NHSL1: variants seen among roughly 807,000 people sequenced by gnomAD.
The protein encoded by NHSL1 is NHS like 1, also known as NHS-like protein 1.
Under a neutral mutation model 95.0 loss-of-function variants are expected in NHSL1, and 48 were observed. The observed-to-expected ratio is 0.51, with a 90% CI of 0.40 to 0.64. The LOEUF is 0.64. Ranked by LOEUF, NHSL1 falls within the 30% of genes least tolerant of loss-of-function variation. The pLI, the probability that NHSL1 is intolerant of heterozygous loss-of-function variation, is 0.00. For missense variants in NHSL1, 1,971 were observed against 2,077.7 expected, an observed-to-expected ratio of 0.95 and a Z score of 1.00; for synonymous variants, 783 against 833.9, an observed-to-expected ratio of 0.94 and a Z score of 1.05.
At position 138,691,465 on chromosome 6, in the gene NHSL1, T is replaced by C. The variant is rs1785668497; in HGVS notation, c.96+1011A>G. 2.0e-5 allele frequency among the ~76,000 whole-genome samples: 3 copies of C among 152,382 alleles called. No individual in the cohort carries two copies. In the South Asian group the frequency reaches 6.2e-4, roughly 32 times the overall value. On this transcript the variant is annotated intron_variant, in intron 1 of 3. Coordinates refer to the NHSL1 transcript ENST00000491526. The stretch of plus-strand genomic sequence containing the variant: ...ATATAGCTAAGTTTTTCTAGCTAGC[T>C]GGAAAACGAGCTATTCGAGATTGCA...
intron 1 of NHSL1, among the ~76,000 whole-genome samples, chr6:138,664,526 C>A (rs893296613): frequency 2.6e-5 from 4 of 152,062 alleles, no homozygotes; most frequent in African/African-American, 7.2e-5. Flanking sequence ...TCAAAGGACT[C>A]AAGGAATCAA....
intron 1 of NHSL1, among the ~76,000 whole-genome samples, chr6:138,507,308 A>G (rs535394489): frequency 2.0e-5 from 3 of 152,360 alleles, no homozygotes; most frequent in African/African-American, 4.8e-5. Flanking sequence ...AAAGAGCTGG[A>G]AGAAAAAGCA....
At chr6:138,578,224 A>G (rs1784000037) in intron 1 of NHSL1, among the ~76,000 whole-genome samples, 2 of 152,224 alleles carry the variant, frequency 1.3e-5, no homozygotes, top group African/African-American at 4.8e-5. Context: ...CCCACCTTTC[A>G]AAGTCTTCAT....
At position 138,431,153 on chromosome 6, in the gene NHSL1, G is replaced by C; in HGVS notation, c.3192C>G (p.Pro1064=). Residue 1064 remains proline (P), a synonymous_variant, in exon 6 of 8, where the codon CCC becomes CCG. Transcript: ENST00000343505. The surrounding 1 kb of genome is among the most constrained non-coding windows in gnomAD (Gnocchi z 4.0). ...PSTKEETSRP[P]MPLITTEALQ... is the part of the protein sequence containing the mutation. The stretch of plus-strand genomic sequence containing the variant: ...ATGCTTCCGTGGTTATCAGGGGCAT[G>C]GGGGGCCTGCTGGTCTCCTCCTTGG... The C allele has an allele frequency of 6.4e-7, 1 of 1,551,390 alleles. No individual in the cohort carries two copies. The highest frequency in any genetic ancestry group is 1.4e-5 in the African/African-American group (1 of 73,134).
intron 1 of NHSL1, among the ~76,000 whole-genome samples, chr6:138,522,005 T>C (rs1405537984): frequency 1.3e-5 from 2 of 152,126 alleles, no homozygotes; most frequent in Admixed American, 1.3e-4. Flanking sequence ...CAGAGGAAAC[T>C]GTTTCAGCTC....
intron 1 of NHSL1, among the ~76,000 whole-genome samples, chr6:138,676,431 T>C (rs1256906206): frequency 6.6e-6 from 1 of 152,006 alleles, no homozygotes; most frequent in African/African-American, 2.4e-5. Flanking sequence ...GTCTAAAAAA[T>C]AGTAAGGTCC....
intron 1 of NHSL1, among the ~76,000 whole-genome samples, chr6:138,607,504 G>A (rs1784450564): frequency 6.6e-6 from 1 of 152,198 alleles, no homozygotes; most frequent in Admixed American, 6.5e-5. Flanking sequence ...TTAAAACTGT[G>A]CGTGTTTTTA....
chr6:138,550,105 G>A (rs1254342697), upstream of NHSL1, among the ~76,000 whole-genome samples: 1 of 152,038 alleles, frequency 6.6e-6, no homozygotes. Context: ...CAGGTGTGGT[G>A]TCGTACACCT....
intron 1 of NHSL1, among the ~76,000 whole-genome samples, chr6:138,665,140 C>A (rs1583471734): frequency 6.6e-6 from 1 of 152,026 alleles, no homozygotes; most frequent in East Asian, 1.9e-4. Context: ...CTTTTTTTAC[C>A]CAAATTCAGC....
chr6:138,496,070 T>G, intron 2 of NHSL1, 149 bp downstream of exon 2: 7 of 837,680 alleles, frequency 8.4e-6, no homozygotes, highest in East Asian at 2.8e-5. Flanking sequence ...CATATCAGCA[T>G]GTATTAGGTT....
intron 3 of NHSL1, among the ~76,000 whole-genome samples, chr6:138,465,719 C>CT (rs1778315348): frequency 2.8e-5 from 4 of 140,418 alleles, no homozygotes; most frequent in African/African-American, 1.1e-4. Context: ...ACTTTTTTTT[C>CT]TTTTCTTTTT....
intron 1 of NHSL1, among the ~76,000 whole-genome samples, chr6:138,624,438 G>C (rs979031640): frequency 2.6e-5 from 4 of 152,106 alleles, no homozygotes; most frequent in Admixed American, 6.6e-5. Context: ...GGTCACTGAG[G>C]CTGGATATAT....
chr6:138,451,782 A>T (rs1367117665), intron 3 of NHSL1, among the ~76,000 whole-genome samples: 2 of 152,240 alleles, frequency 1.3e-5, no homozygotes, highest in Non-Finnish European at 2.9e-5. Context: ...AGTGTAAAAT[A>T]ACAATGTGGC....
chr6:138,692,992 G>C (rs1439577599), upstream of NHSL1, among the ~76,000 whole-genome samples: 2 of 151,242 alleles, frequency 1.3e-5, no homozygotes, highest in Admixed American at 1.3e-4. The surrounding 1 kb of genome is among the most constrained non-coding windows in gnomAD (Gnocchi z 4.0). Flanking sequence ...TGGGGTCCGA[G>C]CCGTGGCTGC....
rs1320501675 is a variant in NHSL1, at chr6:138,431,009, T to C, written c.3336A>G (p.Pro1112=). The C allele has an allele frequency of 4.5e-6, 7 of 1,552,192 alleles. No individual in the cohort carries two copies. Among genetic ancestry groups the C allele is most frequent in the Non-Finnish European group, 6.1e-6 (7 of 1,147,128 alleles). Residue 1112 remains proline (P), a synonymous_variant, in exon 6 of 8, where the codon CCA becomes CCG. Coordinates refer to ENST00000343505, the MANE Select transcript of NHSL1 (RefSeq NM_001144060.2). This position sits in a 1 kb window ranked among gnomAD's most constrained non-coding sequence, Gnocchi z 4.0. The part of the protein sequence containing the change: ...TPVAPQYHLK[P]SAFLKSRNST... ...TATTTCGGGATTTCAGGAAAGCAGA[T>C]GGCTTTAAGTGGTACTGTGGAGCAA...
At chr6:138,674,453 C>G (rs544122497) in intron 1 of NHSL1, among the ~76,000 whole-genome samples, 1 of 152,168 alleles carries the variant, frequency 6.6e-6, no homozygotes, top group Non-Finnish European at 1.5e-5. Context: ...AGCTGTTTTT[C>G]CTAATGCTTT....
intron 1 of NHSL1, among the ~76,000 whole-genome samples, chr6:138,544,664 T>C (rs1782713037): frequency 6.6e-6 from 1 of 152,156 alleles, no homozygotes; most frequent in African/African-American, 2.4e-5. Flanking sequence ...TGAAAAGATG[T>C]CAAGAATTTC....
intron 1 of NHSL1, among the ~76,000 whole-genome samples, chr6:138,586,200 T>A (rs1161546694): frequency 6.6e-6 from 1 of 151,938 alleles, no homozygotes; most frequent in East Asian, 1.9e-4. Context: ...GTTCAAGAGA[T>A]TCTCCTGCCT....
chr6:138,678,931 G>T (rs1247012744), intron 1 of NHSL1, among the ~76,000 whole-genome samples: 1 of 152,182 alleles, frequency 6.6e-6, no homozygotes, highest in Non-Finnish European at 1.5e-5. Context: ...GGCACTCAAA[G>T]ACATTTTTCC....
Sources: allele counts gnomAD v4.1 joint callset (sites outside exome capture counted in the v4.1 genomes callset), GRCh38; gene constraint gnomAD v4.1.1; non-coding constraint Gnocchi (gnomAD v3.1); transcripts MANE v1.5; gene names NCBI Gene and HGNC (gene_info 2026-07-23, HGNC 2026-07-21).